Variants in ATRIP observed in about 807,000 individuals in gnomAD.
ATRIP encodes the protein ATR-interacting protein.
ATRIP carries 44 observed loss-of-function variants against 78.1 expected under a neutral mutation model. That is an observed-to-expected ratio of 0.56 (90% CI 0.44 to 0.72). ATRIP has a LOEUF of 0.72. ATRIP is among the 30% of genes least tolerant of loss of function. The pLI is 0.00. For synonymous variants in ATRIP, 388 were observed against 408.9 expected (o/e 0.95, Z 0.62); for missense variants, 927 against 980.2 (o/e 0.95, Z 0.72).
In ATRIP at chr3:48,467,240, C is replaced by T; in HGVS notation, c.*1686C>T. 6.2e-7 allele frequency: 1 copy of T among 1,614,138 alleles called. No individual in the cohort carries two copies. Among genetic ancestry groups the T allele is most frequent in the Non-Finnish European group, 8.5e-7 (1 of 1,180,030 alleles). On this transcript the variant is annotated 3_prime_UTR_variant, in exon 13 of 13. Coordinates refer to ENST00000320211, the MANE Select transcript of ATRIP (RefSeq NM_130384.3). ...ATGGGCAGTCCCCTCCAGACTCGCA[C>T]ACGGCTGAGGGTGATGTCCTGGCCC... is the stretch of plus-strand genomic sequence containing the variant.
intron 4 of ATRIP, among the ~76,000 whole-genome samples, chr3:48,455,735 T>G (rs1165772207): frequency 1.3e-5 from 2 of 151,772 alleles, no homozygotes; most frequent in African/African-American, 2.4e-5. Context: ...TGACTTCAGG[T>G]GATCCACCCA....
chr3:48,453,740 G>A (rs1291085233), intron 3 of ATRIP, among the ~76,000 whole-genome samples: 3 of 152,182 alleles, frequency 2.0e-5, no homozygotes, highest in Admixed American at 6.5e-5. Context: ...CAGTGCGTTC[G>A]TTAATAAAGG....
intron 6 of ATRIP, 81 bp downstream of exon 6, chr3:48,459,535 C>A: frequency 1.4e-6 from 2 of 1,392,316 alleles, no homozygotes; most frequent in Non-Finnish European, 2.0e-6. Flanking sequence ...CCTCTGAGAA[C>A]CGGTGCCCCG....
rs1256661203 is a variant in ATRIP at position 48,456,046 on chromosome 3, G to A, written c.672-1213G>A. On this transcript the variant is annotated intron_variant, in intron 4 of 12. Transcript: ENST00000320211. The stretch of plus-strand genomic sequence containing the variant: ...TGAGGCAGGAGAATCACTCAAACCT[G>A]GAGGCAGAGGTTGCAGTGAGCCAGG... 2.0e-5 allele frequency among the ~76,000 whole-genome samples: 3 copies of A among 151,860 alleles called. No homozygotes were observed. The East Asian group carries it at 5.9e-4, about 30-fold the overall frequency.
At position 48,459,748 on chromosome 3, in the gene ATRIP, CCATGTCAGAACCTTCTAGAGTCAT is replaced by C; in HGVS notation, c.926-37_926-14del. On this transcript the variant is annotated splice_polypyrimidine_tract_variant and intron_variant, in intron 6 of 12. Transcript: ENST00000320211. ...TTCTGAAAGCCACCGAAAAGATCTC[CCATGTCAGAACCTTCTAGAGTCAT>C]CTTGTCTTCTGCAGGTTCCATTTTG... 6.3e-7 allele frequency: 1 copy of C among 1,597,468 alleles called. No individual in the cohort carries two copies. Among genetic ancestry groups the C allele is most frequent in the South Asian group, 1.1e-5 (1 of 87,678 alleles).
chr3:48,454,246 A>T (rs2039901155), intron 3 of ATRIP, 54 bp from the exon 4 acceptor site: 1 of 1,000,944 alleles, frequency 1.0e-6, no homozygotes, highest in African/African-American at 1.6e-5. Flanking sequence ...AAGCCCAGAG[A>T]TATTTTTGTG....
intron 7 of ATRIP, 47 bp from the exon 8 acceptor site, chr3:48,460,063 T>C: frequency 6.4e-7 from 1 of 1,572,744 alleles, no homozygotes; most frequent in Non-Finnish European, 8.6e-7. Flanking sequence ...CTCTTGACCT[T>C]ATCTCCATCC....
At chr3:48,451,981 G>A in intron 3 of ATRIP, 82 bp downstream of exon 3, 3 of 1,327,876 alleles carry the variant, frequency 2.3e-6, no homozygotes, top group Non-Finnish European at 3.1e-6. Flanking sequence ...ATCTTCCAGG[G>A]AGATTTCAAC....
In ATRIP at chr3:48,467,045, C is replaced by T; in HGVS notation, c.*1491C>T. 6.2e-7 allele frequency: 1 copy of T among 1,614,008 alleles called. No homozygotes were observed. Among genetic ancestry groups the T allele is most frequent in the African/African-American group, 1.3e-5 (1 of 75,060 alleles). ...TGGCACACAATGGTGACCGCTACGA[C>T]TTCCCCCTGCTCCAAGCAGAGCTGG... is the stretch of plus-strand genomic sequence containing the variant. On this transcript the variant is annotated 3_prime_UTR_variant, in exon 13 of 13. Coordinates refer to ENST00000320211, the MANE Select transcript of ATRIP (RefSeq NM_130384.3).
chr3:48,448,276 C>T (rs1418296103), intron 1 of ATRIP, among the ~76,000 whole-genome samples: 1 of 151,692 alleles, frequency 6.6e-6, no homozygotes, highest in African/African-American at 2.4e-5. Context: ...ATTCTCTTGC[C>T]TCAACCTCCC....
At chr3:48,463,660 TTC>T (rs2040180245) in intron 8 of ATRIP, 83 bp from the exon 9 acceptor site, 2 of 1,553,956 alleles carry the variant, frequency 1.3e-6, no homozygotes, top group Admixed American at 1.8e-5. Context: ...TTGCTCAATT[TTC>T]TGTTACCTCT....
Position 48,460,761 on chromosome 3 carries a change from GA to G in ATRIP, c.1710del (p.Lys570AsnfsTer2). The G allele has an allele frequency of 2.5e-6, 4 of 1,601,770 alleles. No homozygotes were observed. Among genetic ancestry groups the G allele is most frequent in the Non-Finnish European group, 3.4e-6 (4 of 1,169,866 alleles). On this transcript the variant is annotated frameshift_variant, in exon 8 of 13. Transcript: ENST00000320211. LOFTEE classifies it high-confidence loss of function. ...VLTQCLKVLVKLAENTSCDFL... is the reference protein window; with the variant it reads ...VLTQCLKVLVXLAENTSCDFL... Reference sequence around the variant, plus strand: ...TGACCCAGTGCCTTAAGGTTTTGGTGAAATTAGCCGAAAACACTTCCTGTGA... The same window carrying G: ...TGACCCAGTGCCTTAAGGTTTTGGTGAATTAGCCGAAAACACTTCCTGTGA...
chr3:48,466,180 AGGGC>A lies in ATRIP; in HGVS notation c.*631_*634del. The A allele has an allele frequency of 1.9e-6, 1 of 514,656 alleles. No homozygotes were observed. The highest frequency in any genetic ancestry group is 2.0e-5 in the South Asian group (1 of 49,284). The allele number at this position is 514,656 out of a possible 1,614,324, so 31.9% of individuals were successfully genotyped here. On this transcript the variant is annotated 3_prime_UTR_variant, in exon 13 of 13. Coordinates refer to ENST00000320211, the MANE Select transcript of ATRIP (RefSeq NM_130384.3). ...GGACAGACCAGGCAGGCTGACGAGC[AGGGC>A]GGGCCTGGCTCACGTGGGCCTGTAG...
Position 48,463,833 on chromosome 3 carries a change from C to T in ATRIP, c.1834C>T (p.Leu612=), listed in dbSNP as rs34426134. Residue 612 remains leucine (L), a synonymous_variant, in exon 9 of 13, where the codon CTG becomes TTG. Coordinates refer to ENST00000320211, the MANE Select transcript of ATRIP (RefSeq NM_130384.3). ...GCTGCTGGCTGTTGAGCTCCTCTCC[C>T]TGCTGGCGGACCACGACCAGCTGGC... The part of the protein sequence containing the change: ...SVLLAVELLS[L]LADHDQLAPQ... 3,982 of 1,614,142 alleles carry T rather than the reference C, an allele frequency of 2.5e-3. 78 individuals are homozygous for T. In the African/African-American group the frequency reaches 0.046, roughly 19 times the overall value.
chr3:48,449,974 C>T, intron 1 of ATRIP, 63 bp from the exon 2 acceptor site: 5 of 1,508,258 alleles, frequency 3.3e-6, no homozygotes, highest in African/African-American at 1.4e-5. Context: ...GTATTTTCAG[C>T]ATTTTCTGGC....
Position 48,460,177 on chromosome 3 carries a change from C to G in ATRIP, c.1123C>G (p.Leu375Val). Residue 375 changes from leucine to valine, a missense_variant, in exon 8 of 13, where the codon CTG becomes GTG. Leu to Val is a conservative substitution (Grantham distance 32). Coordinates refer to ENST00000320211, the MANE Select transcript of ATRIP (RefSeq NM_130384.3). ...TGATGGGTCATTTTCCCTCTCAGCC[C>G]TGAGAGAAGCACAGAACCTGGCATT... ...SYDGSFSLSA[L>V]REAQNLAFTG... is the part of the protein sequence containing the mutation. 1.2e-6 allele frequency: 2 copies of G among 1,614,096 alleles called. No homozygotes were observed. The highest frequency in any genetic ancestry group is 1.7e-6 in the Non-Finnish European group (2 of 1,180,044).
intron 2 of ATRIP, chr3:48,450,705 G>C (rs2039813475): frequency 2.5e-6 from 1 of 404,872 alleles, no homozygotes; most frequent in East Asian, 7.3e-5. Context: ...ACATGCCTTA[G>C]CTTCCAGAGT....
At chr3:48,450,706 C>T in intron 2 of ATRIP, 1 of 402,104 alleles carries the variant, frequency 2.5e-6, no homozygotes, top group Non-Finnish European at 4.5e-6. Context: ...CATGCCTTAG[C>T]TTCCAGAGTA....
Position 48,464,068 on chromosome 3 carries a change from T to C in ATRIP, c.1910T>C (p.Met637Thr). ...SEGCLLLLLY[M>T]YITSRPDRVA... The stretch of plus-strand genomic sequence containing the variant: ...GGCTGCCTCCTGCTGCTGCTGTACA[T>C]GTACATCACATCACGGCCTGACAGA... Residue 637 changes from methionine (M) to threonine (T), a missense_variant, in exon 10 of 13, where the codon ATG (methionine) becomes ACG (threonine). Met to Thr is a moderately conservative substitution (Grantham distance 81). Coordinates refer to ENST00000320211, the MANE Select transcript of ATRIP (RefSeq NM_130384.3). 3 of 1,613,772 alleles carry C rather than the reference T, an allele frequency of 1.9e-6. No individual in the cohort carries two copies. The highest frequency in any genetic ancestry group is 1.7e-6 in the Non-Finnish European group (2 of 1,180,006).
Sources: allele counts gnomAD v4.1 joint callset (sites outside exome capture counted in the v4.1 genomes callset), GRCh38; gene constraint gnomAD v4.1.1; transcripts MANE v1.5; gene names NCBI Gene and HGNC (gene_info 2026-07-23, HGNC 2026-07-21).